Variants in DSCAM observed in about 807,000 individuals in gnomAD.
DSCAM encodes cell adhesion molecule DSCAM.
Under a neutral mutation model 217.7 loss-of-function variants are expected in DSCAM, and 47 were observed. The ratio of observed to expected loss-of-function variants is 0.22; its 90% CI spans 0.17 to 0.28. The LOEUF (loss-of-function observed/expected upper bound fraction) is 0.28. DSCAM is among the 10% of genes least tolerant of loss of function. The probability of loss-of-function intolerance (pLI) is 1.00; values close to 1 mark genes in which losing one functional copy is unlikely to be tolerated. For missense variants in DSCAM, 2,080 were observed against 2,618.3 expected (o/e 0.79, Z 4.49); for synonymous variants, 1,056 against 1,015.3 (o/e 1.04, Z -0.76).
At chr21:40,657,016 T>A (rs993408338) in intron 3 of DSCAM, among the ~76,000 whole-genome samples, 4 of 152,256 alleles carry the variant, frequency 2.6e-5, no homozygotes, top group Admixed American at 1.3e-4. Flanking sequence ...AAATATTTTT[T>A]AAAAATCAAA....
At chr21:40,605,067 G>T (rs2089214284) in intron 3 of DSCAM, among the ~76,000 whole-genome samples, 1 of 152,192 alleles carries the variant, frequency 6.6e-6, no homozygotes, top group Non-Finnish European at 1.5e-5. Flanking sequence ...CTCAGAACTG[G>T]AGGGGATTTT....
At chr21:40,353,239 A>C (rs2074652873) in intron 5 of DSCAM, among the ~76,000 whole-genome samples, 1 of 152,222 alleles carries the variant, frequency 6.6e-6, no homozygotes, top group Admixed American at 6.5e-5. Flanking sequence ...TGGGGATCAG[A>C]AAGATTTCAA....
At chr21:40,133,593 T>C (rs1027157806) in intron 19 of DSCAM, among the ~76,000 whole-genome samples, 4 of 144,270 alleles carry the variant, frequency 2.8e-5, no homozygotes, top group African/African-American at 1.0e-4. Flanking sequence ...TTTACAATAA[T>C]ACTTGGCCAA....
chr21:40,022,849 A>G (rs2088299583), intron 32 of DSCAM, among the ~76,000 whole-genome samples: 1 of 151,248 alleles, frequency 6.6e-6, no homozygotes, highest in African/African-American at 2.4e-5. Context: ...ATTGAGTTGG[A>G]TGTATTTTAG....
At chr21:40,604,221 G>C (rs2089201224) in intron 3 of DSCAM, among the ~76,000 whole-genome samples, 2 of 151,710 alleles carry the variant, frequency 1.3e-5, no homozygotes, top group Non-Finnish European at 2.9e-5. Context: ...GTCTATTAAT[G>C]AGCTCATCAA....
intron 4 of DSCAM, among the ~76,000 whole-genome samples, chr21:40,367,090 C>A (rs755126110): frequency 2.6e-5 from 4 of 152,144 alleles, no homozygotes; most frequent in Non-Finnish European, 5.9e-5. Flanking sequence ...AGGACATAGA[C>A]CATCACTGGC....
At chr21:40,737,404 G>A (rs1047669652) in intron 1 of DSCAM, among the ~76,000 whole-genome samples, 25 of 152,136 alleles carry the variant, frequency 1.6e-4, no homozygotes, top group Admixed American at 8.5e-4. Flanking sequence ...TTAGGAGGCC[G>A]AAGCAGGTGG....
intron 11 of DSCAM, among the ~76,000 whole-genome samples, chr21:40,209,428 T>C (rs955511878): frequency 1.3e-5 from 2 of 152,180 alleles, no homozygotes; most frequent in African/African-American, 2.4e-5. Flanking sequence ...TTCTGCTCTC[T>C]TTTCCACTCT....
intron 3 of DSCAM, among the ~76,000 whole-genome samples, chr21:40,370,792 TG>T (rs1366993262): frequency 5.3e-5 from 8 of 151,974 alleles, no homozygotes; most frequent in Non-Finnish European, 1.2e-4. Flanking sequence ...GGCTAATTTT[TG>T]TATTTTTTTA....
At chr21:40,696,380 G>A (rs2090595369) in intron 2 of DSCAM, among the ~76,000 whole-genome samples, 2 of 152,210 alleles carry the variant, frequency 1.3e-5, no homozygotes, top group South Asian at 4.1e-4. Context: ...TGTGAGTAGG[G>A]CAGGGAGGGA....
intron 3 of DSCAM, among the ~76,000 whole-genome samples, chr21:40,604,200 G>A (rs1308374063): frequency 6.6e-6 from 1 of 151,618 alleles, no homozygotes; most frequent in East Asian, 1.9e-4. Context: ...ATTCTTTCTT[G>A]TTTATATCTA....
intron 3 of DSCAM, among the ~76,000 whole-genome samples, chr21:40,520,470 G>A (rs2076349967): frequency 6.6e-6 from 1 of 152,112 alleles, no homozygotes; most frequent in Non-Finnish European, 1.5e-5. Context: ...AGATTCTTGA[G>A]GAGGAAATAA....
At chr21:40,131,814 C>T (rs947501966) in intron 19 of DSCAM, among the ~76,000 whole-genome samples, 4 of 152,112 alleles carry the variant, frequency 2.6e-5, no homozygotes, top group Non-Finnish European at 5.9e-5. Flanking sequence ...GCAGGGTTTT[C>T]GATAGTCAAT....
At chr21:40,797,951 A>T (rs904594324) in intron 1 of DSCAM, among the ~76,000 whole-genome samples, 6 of 152,162 alleles carry the variant, frequency 3.9e-5, no homozygotes, top group African/African-American at 1.2e-4. Flanking sequence ...TGGGACAAAA[A>T]AAAAAAGATC....
At chr21:40,379,226 G>A (rs1601599491) in intron 3 of DSCAM, among the ~76,000 whole-genome samples, 1 of 152,188 alleles carries the variant, frequency 6.6e-6, no homozygotes, top group South Asian at 2.1e-4. Flanking sequence ...ATTTCCCACT[G>A]TCACGTATTT....
intron 3 of DSCAM, among the ~76,000 whole-genome samples, chr21:40,614,857 G>A (rs2089367373): frequency 6.6e-6 from 1 of 152,118 alleles, no homozygotes; most frequent in African/African-American, 2.4e-5. Context: ...TATACATTAT[G>A]TATAAATTGC....
intron 16 of DSCAM, among the ~76,000 whole-genome samples, chr21:40,152,184 A>G (rs1372925974): frequency 2.0e-5 from 3 of 152,202 alleles, no homozygotes; most frequent in Non-Finnish European, 4.4e-5. Flanking sequence ...GAACTCAATA[A>G]AACAAGGCCC....
In DSCAM at chr21:40,382,657, G is replaced by A. The variant is rs79932472; in HGVS notation, c.509-13412C>T. Among the ~76,000 whole-genome samples, 834 of 152,202 alleles carry A rather than the reference G, an allele frequency of 5.5e-3. 4 individuals are homozygous for A. The highest frequency in any genetic ancestry group is 9.4e-3 in the Non-Finnish European group (641 of 68,010). Reference sequence around the variant, plus strand: ...CAAGGGTAGAAACCATGTCAGATGCGGTCCCTCGTGTCACTCCCACTCCAC... The same window carrying A: ...CAAGGGTAGAAACCATGTCAGATGCAGTCCCTCGTGTCACTCCCACTCCAC... On this transcript the variant is annotated intron_variant, in intron 3 of 32. Transcript: ENST00000400454.
intron 21 of DSCAM, among the ~76,000 whole-genome samples, chr21:40,090,931 G>A (rs370837316): frequency 3.3e-5 from 5 of 152,046 alleles, no homozygotes; most frequent in South Asian, 2.1e-4. Context: ...TCAAGAAATC[G>A]TGCCTCCACT....
Sources: gnomAD v4.1 joint callset for allele counts (sites outside exome capture counted in the v4.1 genomes callset) on GRCh38, gnomAD v4.1.1 for gene constraint, MANE v1.5 for transcripts, NCBI Gene and HGNC (gene_info 2026-07-23, HGNC 2026-07-21) for gene names.